MYCBP2: variants seen among roughly 807,000 people sequenced by gnomAD.
MYCBP2 encodes E3 ubiquitin-protein ligase MYCBP2.
In MYCBP2, 120 loss-of-function variants were observed where a neutral mutation model predicts 525.3. That is an observed-to-expected ratio of 0.23 (90% CI 0.20 to 0.27). The LOEUF (loss-of-function observed/expected upper bound fraction) is 0.27. MYCBP2 is among the 10% of genes least tolerant of loss of function. The pLI is 1.00. For synonymous variants in MYCBP2, 1,894 were observed against 1,955.8 expected, an observed-to-expected ratio of 0.97 and a Z score of 0.83; for missense variants, 4,149 against 5,657.1, an observed-to-expected ratio of 0.73 and a Z score of 8.55.
At chr13:77,272,840 G>T (rs573401072) in intron 5 of MYCBP2, among the ~76,000 whole-genome samples, 1 of 152,282 alleles carries the variant, frequency 6.6e-6, no homozygotes, top group East Asian at 1.9e-4. Flanking sequence ...TGCCCAAGGG[G>T]CCAGAGAAGA....
chr13:77,133,727 CATA>C (rs1483656324), intron 52 of MYCBP2, among the ~76,000 whole-genome samples: 1 of 152,198 alleles, frequency 6.6e-6, no homozygotes, highest in Non-Finnish European at 1.5e-5. Context: ...CATTAGTTCA[CATA>C]CATAGCATGT....
chr13:77,310,469 T>C (rs753157329), intron 1 of MYCBP2, among the ~76,000 whole-genome samples: 1 of 152,186 alleles, frequency 6.6e-6, no homozygotes, highest in Non-Finnish European at 1.5e-5. Context: ...TTGTCTGTGG[T>C]TGCTTTCAAA....
In MYCBP2 at chr13:77,079,023, C is replaced by G. The variant is rs971857240; in HGVS notation, c.11419-134G>C. 8 of 665,308 alleles carry G rather than the reference C, an allele frequency of 1.2e-5. No individual in the cohort carries two copies. In the African/African-American group the frequency reaches 1.3e-4, roughly 10 times the overall value. The allele number at this position is 665,308 out of a possible 1,614,324, so 41.2% of individuals were successfully genotyped here. A position where few individuals can be genotyped will look rare whatever the true frequency, so the allele number is the denominator to read the frequency against. ...TGGTCCTTCCTGATTGACCCCACCCCATCCCTCCAACTAACCACGGTTCCT... is the reference window on the plus strand; with the variant it reads ...TGGTCCTTCCTGATTGACCCCACCCGATCCCTCCAACTAACCACGGTTCCT... On this transcript the variant is annotated intron_variant, in intron 65 of 82. Coordinates refer to ENST00000544440, the MANE Select transcript of MYCBP2 (RefSeq NM_015057.5).
chr13:77,171,394 A>G, intron 38 of MYCBP2, 98 bp downstream of exon 38: 1 of 1,231,234 alleles, frequency 8.1e-7, no homozygotes, highest in Non-Finnish European at 1.1e-6. Flanking sequence ...TAGATTCTAT[A>G]AAATTGTATA....
chr13:77,109,336 T>C (rs2048387215), intron 55 of MYCBP2, among the ~76,000 whole-genome samples: 1 of 152,180 alleles, frequency 6.6e-6, no homozygotes, highest in Admixed American at 6.5e-5. Flanking sequence ...GCACAGTTCA[T>C]ACTAGGGTTT....
intron 68 of MYCBP2, among the ~76,000 whole-genome samples, chr13:77,073,019 T>A: frequency 6.6e-6 from 1 of 152,228 alleles, no homozygotes; most frequent in East Asian, 1.9e-4. Context: ...CATACCATGC[T>A]ATTCATCTGT....
In MYCBP2 at chr13:77,254,666, G is replaced by A. The variant is rs189201011; in HGVS notation, c.2176+3005C>T. Among the ~76,000 whole-genome samples the A allele has an allele frequency of 1.2e-4, 18 of 151,788 alleles. No individual in the cohort carries two copies. The East Asian group carries it at 1.7e-3, about 15-fold the overall frequency. On this transcript the variant is annotated intron_variant, in intron 14 of 82. Transcript: ENST00000544440. Reference sequence around the variant, plus strand: ...AAATACACAATATATTGTTGTTAACGACATTCACCCTACTCTGCTCCTGAA... The same window carrying A: ...AAATACACAATATATTGTTGTTAACAACATTCACCCTACTCTGCTCCTGAA...
At chr13:77,247,601 G>A (rs1323050931) in intron 15 of MYCBP2, among the ~76,000 whole-genome samples, 1 of 152,052 alleles carries the variant, frequency 6.6e-6, no homozygotes, top group East Asian at 1.9e-4. Context: ...AATCTCTAGG[G>A]ACCTCAAATA....
Position 77,062,667 on chromosome 13 carries a change from G to A in MYCBP2, c.12703C>T (p.Leu4235Phe). The A allele has an allele frequency of 6.2e-7, 1 of 1,614,170 alleles. No individual in the cohort carries two copies. Among genetic ancestry groups the A allele is most frequent in the Non-Finnish European group, 8.5e-7 (1 of 1,180,012 alleles). The change falls in exon 74 of 83, where the codon CTT becomes TTT. Residue 4235 changes from leucine (L) to phenylalanine (F), a missense_variant. By Grantham distance (22) the Leu-to-Phe change is conservative (BLOSUM62 0). Coordinates refer to ENST00000544440, the MANE Select transcript of MYCBP2 (RefSeq NM_015057.5). ...LWLALASLCV[L>F]DQDHVDRLSS... ...AGACGATCTACGTGGTCCTGATCAA[G>A]AACACATAGGGATGCGAGAGCAAGC...
At chr13:77,122,580 T>A (rs191234846) in intron 54 of MYCBP2, among the ~76,000 whole-genome samples, 1 of 150,144 alleles carries the variant, frequency 6.7e-6, no homozygotes, top group East Asian at 2.0e-4. Context: ...TCCCAGCTAC[T>A]CAGAGAGGCT....
chr13:77,165,170 C>T (rs12184642), intron 42 of MYCBP2, 103 bp downstream of exon 42: 21,628 of 982,440 alleles, frequency 0.022, 313 homozygotes, highest in Non-Finnish European at 0.024. Flanking sequence ...CCCAATTTTT[C>T]GAATAGAGGC....
At chr13:77,136,953 T>C (rs1405092364) in intron 52 of MYCBP2, among the ~76,000 whole-genome samples, 1 of 152,182 alleles carries the variant, frequency 6.6e-6, no homozygotes, top group East Asian at 1.9e-4. Context: ...TATCTTTCTT[T>C]TAACTTATAA....
chr13:77,271,168 T>C (rs577114451), intron 5 of MYCBP2, among the ~76,000 whole-genome samples: 12 of 152,332 alleles, frequency 7.9e-5, no homozygotes, highest in African/African-American at 2.9e-4. Flanking sequence ...TCAAATAATT[T>C]CAATATCTAA....
chr13:77,125,477 T>C lies in MYCBP2; in HGVS notation c.7885-9A>G, dbSNP rs1248310075. 1 of 1,611,712 alleles carries C rather than the reference T, an allele frequency of 6.2e-7. No individual in the cohort carries two copies. The highest frequency in any genetic ancestry group is 2.2e-5 in the East Asian group (1 of 44,838). Reference sequence around the variant, plus strand: ...CCTTCAGAATTGGTTACCTGGTACATAACAAAAAGCATGATTGATTGGCTT... The same window carrying C: ...CCTTCAGAATTGGTTACCTGGTACACAACAAAAAGCATGATTGATTGGCTT... On this transcript the variant is annotated splice_polypyrimidine_tract_variant and intron_variant, in intron 53 of 82. Transcript: ENST00000544440.
At chr13:77,227,548 A>G (rs1454044793) in intron 18 of MYCBP2, among the ~76,000 whole-genome samples, 1 of 151,880 alleles carries the variant, frequency 6.6e-6, no homozygotes, top group Non-Finnish European at 1.5e-5. Flanking sequence ...CTATTTAATA[A>G]GACGCCAGAT....
At chr13:77,061,393 C>CT (rs1355053690) in intron 75 of MYCBP2, 92 bp from the exon 76 acceptor site, 14 of 1,102,708 alleles carry the variant, frequency 1.3e-5, no homozygotes, top group Non-Finnish European at 1.7e-5. Flanking sequence ...ATAATAATGG[C>CT]TTTCATTTAA....
chr13:77,210,631 C>T (rs1469674048), intron 23 of MYCBP2, among the ~76,000 whole-genome samples: 1 of 152,030 alleles, frequency 6.6e-6, no homozygotes, highest in Non-Finnish European at 1.5e-5. Flanking sequence ...TTTTTTAATG[C>T]ACATTCTTAA....
intron 44 of MYCBP2, among the ~76,000 whole-genome samples, chr13:77,159,613 T>G (rs111403765): frequency 0.012 from 1,824 of 152,256 alleles, 32 homozygotes; most frequent in African/African-American, 0.042. Context: ...CCTTGCTGTT[T>G]TCCTTACAAT....
At chr13:77,069,011 AG>A (rs2040657414) in intron 69 of MYCBP2, among the ~76,000 whole-genome samples, 180 bp from the exon 70 acceptor site, 1 of 152,208 alleles carries the variant, frequency 6.6e-6, no homozygotes, top group South Asian at 2.1e-4. Context: ...AAACAAGTAA[AG>A]CTAAGGGAGC....
Sources: allele counts gnomAD v4.1 joint callset (sites outside exome capture counted in the v4.1 genomes callset), GRCh38; gene constraint gnomAD v4.1.1; transcripts MANE v1.5; gene names NCBI Gene and HGNC (gene_info 2026-07-23, HGNC 2026-07-21).